The following NTNG1 variants were observed in gnomAD, a reference collection of about 807,000 sequenced individuals.
NTNG1 encodes netrin G1, also known as netrin-G1.
NTNG1 carries 16 observed loss-of-function variants against 54.0 expected under a neutral mutation model. The ratio of observed to expected loss-of-function variants is 0.30; its 90% CI spans 0.20 to 0.45. The LOEUF (loss-of-function observed/expected upper bound fraction) is 0.45, where lower values mean the gene tolerates loss of function less well. Among genes scored for constraint, NTNG1 ranks in the 20% least tolerant of loss-of-function variants. NTNG1 has a pLI of 1.00. For synonymous variants in NTNG1, 255 were observed against 263.1 expected (o/e 0.97, Z 0.30); for missense variants, 530 against 678.7 (o/e 0.78, Z 2.43).
chr1:107,193,959 C>G (rs1018961126), intron 2 of NTNG1, among the ~76,000 whole-genome samples: 3 of 151,978 alleles, frequency 2.0e-5, no homozygotes, highest in African/African-American at 7.2e-5. Context: ...GACTCCTTAA[C>G]CCTTTATGAT....
intron 2 of NTNG1, among the ~76,000 whole-genome samples, chr1:107,173,447 G>A (rs553381615): frequency 6.6e-6 from 1 of 152,248 alleles, no homozygotes; most frequent in Non-Finnish European, 1.5e-5. Flanking sequence ...CAGGGAAGAA[G>A]TAAAGGATTG....
intron 1 of NTNG1, among the ~76,000 whole-genome samples, chr1:107,141,632 G>C (rs1356947036): frequency 6.6e-6 from 1 of 152,106 alleles, no homozygotes; most frequent in Non-Finnish European, 1.5e-5. Flanking sequence ...AGGAGGCAGC[G>C]CGCGGAGCCC....
intron 7 of NTNG1, among the ~76,000 whole-genome samples, chr1:107,439,684 T>C (rs1675842123): frequency 6.6e-6 from 1 of 152,044 alleles, no homozygotes; most frequent in Non-Finnish European, 1.5e-5. Flanking sequence ...AATATAGAAA[T>C]TCTTCTGTCA....
chr1:107,368,726 G>T (rs1368360957), intron 3 of NTNG1, among the ~76,000 whole-genome samples: 1 of 152,154 alleles, frequency 6.6e-6, no homozygotes, highest in Non-Finnish European at 1.5e-5. Flanking sequence ...GTCTCAAGGG[G>T]ACTCAGTTGT....
intron 5 of NTNG1, among the ~76,000 whole-genome samples, chr1:107,413,462 T>G (rs1425225122): frequency 1.3e-5 from 2 of 152,078 alleles, no homozygotes; most frequent in Non-Finnish European, 2.9e-5. Context: ...TTTTTTTCAA[T>G]TAAAAAAAAT....
intron 3 of NTNG1, among the ~76,000 whole-genome samples, chr1:107,341,075 G>C (rs1668869882): frequency 6.6e-6 from 1 of 151,958 alleles, no homozygotes; most frequent in Admixed American, 6.6e-5. Flanking sequence ...GATTTCTTGA[G>C]GCCAGGAGTT....
chr1:107,254,839 G>A (rs1467289814), intron 2 of NTNG1, among the ~76,000 whole-genome samples: 1 of 152,138 alleles, frequency 6.6e-6, no homozygotes, highest in Non-Finnish European at 1.5e-5. Context: ...CTGTGACTTT[G>A]AATGCTTATG....
At chr1:107,369,701 A>G (rs1386533920) in intron 3 of NTNG1, among the ~76,000 whole-genome samples, 2 of 151,882 alleles carry the variant, frequency 1.3e-5, no homozygotes, top group African/African-American at 4.8e-5. Flanking sequence ...GGATCTCCCA[A>G]TTTATCTTTT....
chr1:107,367,290 CA>C (rs1670656931), intron 3 of NTNG1, among the ~76,000 whole-genome samples: 1 of 151,944 alleles, frequency 6.6e-6, no homozygotes, highest in African/African-American at 2.4e-5. Context: ...TTTTTAAATA[CA>C]AGACCCTGAG....
chr1:107,297,208 T>C (rs1666013550), intron 2 of NTNG1, among the ~76,000 whole-genome samples: 2 of 118,030 alleles, frequency 1.7e-5, no homozygotes, highest in African/African-American at 6.4e-5. Context: ...ATCATATATA[T>C]ATACCATCAT....
At chr1:107,394,457 C>A (rs549614591) in intron 3 of NTNG1, among the ~76,000 whole-genome samples, 10 of 152,148 alleles carry the variant, frequency 6.6e-5, no homozygotes, top group African/African-American at 2.4e-4. Context: ...GGATTCTAGG[C>A]ATTTTTAATT....
intron 2 of NTNG1, among the ~76,000 whole-genome samples, chr1:107,283,660 G>C (rs906036673): frequency 6.6e-6 from 1 of 152,120 alleles, no homozygotes; most frequent in Admixed American, 6.6e-5. Flanking sequence ...CAGAGACTTG[G>C]TATTTTTTAT....
intron 2 of NTNG1, among the ~76,000 whole-genome samples, chr1:107,159,618 T>C (rs946580413): frequency 1.3e-5 from 2 of 152,190 alleles, no homozygotes; most frequent in Admixed American, 1.3e-4. Flanking sequence ...TACGTTCCAC[T>C]CTTAAACTAT....
chr1:107,384,928 C>T (rs951317361), intron 3 of NTNG1, among the ~76,000 whole-genome samples: 3 of 152,112 alleles, frequency 2.0e-5, no homozygotes, highest in African/African-American at 7.2e-5. Context: ...AACATTTTTG[C>T]TTAGCAGGGA....
intron 2 of NTNG1, among the ~76,000 whole-genome samples, chr1:107,223,831 A>G (rs1274425843): frequency 2.0e-5 from 3 of 152,130 alleles, no homozygotes; most frequent in Non-Finnish European, 2.9e-5. Context: ...GTGAGGATGA[A>G]ATCCTGGAAG....
At chr1:107,256,842 G>T (rs1327670647) in intron 2 of NTNG1, among the ~76,000 whole-genome samples, 1 of 152,184 alleles carries the variant, frequency 6.6e-6, no homozygotes, top group Non-Finnish European at 1.5e-5. Context: ...TGTCCAATTA[G>T]TATCAAATTC....
In NTNG1 at chr1:107,258,347, G is replaced by A. The variant is rs527540714; in HGVS notation, c.247-65935G>A. ...TTGTTACTACATTAAAATAATGCAG[G>A]TTTATCTCTGAATTAAAGCGTGTTA... On this transcript the variant is annotated intron_variant, in intron 2 of 7. Transcript: ENST00000370068. 9.3e-5 allele frequency among the ~76,000 whole-genome samples: 14 copies of A among 150,546 alleles called. 1 individual carries two copies. The South Asian group carries it at 1.5e-3, about 16-fold the overall frequency.
chr1:107,436,190 CA>C (rs1675583535), intron 6 of NTNG1, among the ~76,000 whole-genome samples: 1 of 152,170 alleles, frequency 6.6e-6, no homozygotes, highest in Non-Finnish European at 1.5e-5. Context: ...TGTCCCAAAT[CA>C]TAAAGTAAAA....
At chr1:107,438,599 C>G (rs184754131) in intron 7 of NTNG1, among the ~76,000 whole-genome samples, 129 of 152,146 alleles carry the variant, frequency 8.5e-4, no homozygotes, top group Non-Finnish European at 1.5e-3. Context: ...AATAAGGAGA[C>G]TTTGTAATTA....
Sources: gnomAD v4.1 joint callset for allele counts (sites outside exome capture counted in the v4.1 genomes callset) on GRCh38, gnomAD v4.1.1 for gene constraint, MANE v1.5 for transcripts, NCBI Gene and HGNC (gene_info 2026-07-23, HGNC 2026-07-21) for gene names.